The following LRGUK variants were observed in gnomAD, a reference collection of about 807,000 sequenced individuals.
The protein encoded by LRGUK is leucine rich repeats and guanylate kinase domain containing, also known as leucine-rich repeat and guanylate kinase domain-containing protein.
LRGUK carries 65 observed loss-of-function variants against 76.0 expected under a neutral mutation model. That is an observed-to-expected ratio of 0.85 (90% CI 0.70 to 1.05). The LOEUF (loss-of-function observed/expected upper bound fraction) is 1.05. Among genes scored for constraint, LRGUK ranks in the 50% least tolerant of loss-of-function variants. LRGUK has a pLI of 0.00. For synonymous variants in LRGUK, 268 were observed against 265.6 expected (o/e 1.01, Z -0.09); for missense variants, 758 against 732.8 (o/e 1.03, Z -0.40).
chr7:134,271,364 T>A, the LRGUK span, among the ~76,000 whole-genome samples: 1 of 151,912 alleles, frequency 6.6e-6, no homozygotes, highest in African/African-American at 2.4e-5. Context: ...ATCTTATGAG[T>A]TTCTTTTTTA....
intron 11 of LRGUK, among the ~76,000 whole-genome samples, chr7:134,184,276 T>C (rs937251689): frequency 1.4e-5 from 2 of 144,450 alleles, no homozygotes; most frequent in Non-Finnish European, 3.1e-5. Flanking sequence ...CTTTTTTTTC[T>C]TTTTTTTTTT....
At chr7:134,207,882 A>G (rs1401719089) in intron 15 of LRGUK, among the ~76,000 whole-genome samples, 4 of 152,170 alleles carry the variant, frequency 2.6e-5, no homozygotes, top group Non-Finnish European at 5.9e-5. Context: ...CGTCTAGTGA[A>G]CAAGCGCTCA....
downstream of LRGUK, among the ~76,000 whole-genome samples, chr7:134,268,248 T>G (rs918173334): frequency 6.6e-6 from 1 of 152,152 alleles, no homozygotes; most frequent in African/African-American, 2.4e-5. Context: ...AGATGATATA[T>G]TTTAATACAA....
chr7:134,251,513 A>G (rs1181526408), intron 18 of LRGUK, among the ~76,000 whole-genome samples: 2 of 152,196 alleles, frequency 1.3e-5, no homozygotes, highest in South Asian at 2.1e-4. Context: ...AGTTCATGGT[A>G]TCTTGTTATG....
chr7:134,174,107 C>CAAAA (rs112357506), intron 7 of LRGUK, among the ~76,000 whole-genome samples: 6 of 80,668 alleles, frequency 7.4e-5, no homozygotes, highest in African/African-American at 1.3e-4. Flanking sequence ...GACTCCATCG[C>CAAAA]AAAAAAAAAA....
intron 15 of LRGUK, among the ~76,000 whole-genome samples, chr7:134,217,625 A>G (rs1028421122): frequency 6.6e-6 from 1 of 152,130 alleles, no homozygotes; most frequent in African/African-American, 2.4e-5. Flanking sequence ...GATAGACAAG[A>G]CTTTTAAGAT....
At chr7:134,135,889 C>T (rs541462548) in intron 1 of LRGUK, among the ~76,000 whole-genome samples, 1 of 152,302 alleles carries the variant, frequency 6.6e-6, no homozygotes, top group African/African-American at 2.4e-5. Flanking sequence ...ATCTCCTGAC[C>T]TTGCGAACCG....
chr7:134,211,153 G>T (rs970568634), downstream of LRGUK, among the ~76,000 whole-genome samples: 3 of 152,226 alleles, frequency 2.0e-5, no homozygotes, highest in African/African-American at 7.2e-5. Flanking sequence ...CAGCCAATCT[G>T]CACTCCTGTG....
Position 134,178,611 on chromosome 7 carries a change from T to A in LRGUK, c.1214+2T>A. 6.2e-7 allele frequency: 1 copy of A among 1,609,324 alleles called. No individual in the cohort carries two copies. Among genetic ancestry groups the A allele is most frequent in the South Asian group, 1.1e-5 (1 of 90,530 alleles). On this transcript the variant is annotated splice_donor_variant, in intron 10 of 15. Coordinates refer to ENST00000645682, the Ensembl canonical transcript of LRGUK. LOFTEE classifies it high-confidence loss of function. Reference sequence around the variant, plus strand: ...GCAGCCGCAGAGGATCTTTGACAGGTACTTATTAGAAATCCAAAGGCCGGA... The same window carrying A: ...GCAGCCGCAGAGGATCTTTGACAGGAACTTATTAGAAATCCAAAGGCCGGA...
chr7:134,229,698 G>A (rs1801848407), intron 16 of LRGUK, among the ~76,000 whole-genome samples: 1 of 151,962 alleles, frequency 6.6e-6, no homozygotes, highest in African/African-American at 2.4e-5. Context: ...GAAAATGCTG[G>A]TATCACCACT....
At chr7:134,243,181 A>G (rs1018209692) in intron 16 of LRGUK, among the ~76,000 whole-genome samples, 2 of 152,176 alleles carry the variant, frequency 1.3e-5, no homozygotes, top group African/African-American at 4.8e-5. Flanking sequence ...CCTATTCAAC[A>G]TAGTGTTGGA....
chr7:134,200,575 G>C (rs984370680), intron 14 of LRGUK, among the ~76,000 whole-genome samples: 27 of 152,048 alleles, frequency 1.8e-4, no homozygotes, highest in Non-Finnish European at 3.7e-4. Context: ...TACCTCTTAG[G>C]GGGAAGGGAA....
chr7:134,200,011 T>C (rs1038435759), intron 14 of LRGUK, among the ~76,000 whole-genome samples: 1 of 131,756 alleles, frequency 7.6e-6, no homozygotes, highest in Non-Finnish European at 1.6e-5. Context: ...TATATATATA[T>C]ATATATATAT....
intron 1 of LRGUK, among the ~76,000 whole-genome samples, chr7:134,135,394 A>T (rs568274917): frequency 3.3e-5 from 5 of 152,316 alleles, no homozygotes; most frequent in Admixed American, 2.0e-4. Flanking sequence ...TTTCTTTTGG[A>T]GGATCTGCCT....
chr7:134,131,894 G>A (rs1797323136), intron 1 of LRGUK, among the ~76,000 whole-genome samples: 1 of 152,152 alleles, frequency 6.6e-6, no homozygotes, highest in Non-Finnish European at 1.5e-5. Flanking sequence ...CATCCAGGAA[G>A]GGATGGGAGG....
At chr7:134,223,503 T>G (rs1481159292) in intron 16 of LRGUK, among the ~76,000 whole-genome samples, 1 of 152,160 alleles carries the variant, frequency 6.6e-6, no homozygotes. Flanking sequence ...TGTAGGAAAG[T>G]CATATTTATC....
intron 12 of LRGUK, among the ~76,000 whole-genome samples, chr7:134,194,625 C>T (rs530586457): frequency 7.2e-5 from 11 of 152,172 alleles, no homozygotes; most frequent in African/African-American, 2.2e-4. Context: ...CCTGTAGTCC[C>T]AGCAACTCAG....
At chr7:134,260,102 C>T (rs1027869138) in intron 19 of LRGUK, among the ~76,000 whole-genome samples, 2 of 151,958 alleles carry the variant, frequency 1.3e-5, no homozygotes, top group Non-Finnish European at 2.9e-5. Context: ...GCTGGCTGCA[C>T]AATATTGGGC....
intron 16 of LRGUK, among the ~76,000 whole-genome samples, chr7:134,245,709 G>A (rs887747508): frequency 1.3e-5 from 2 of 151,894 alleles, no homozygotes; most frequent in Non-Finnish European, 2.9e-5. Flanking sequence ...AAGTAAGGGC[G>A]GTATACAATG....
Sources: allele counts gnomAD v4.1 joint callset (sites outside exome capture counted in the v4.1 genomes callset), GRCh38; gene constraint gnomAD v4.1.1; transcripts MANE v1.5; gene names NCBI Gene and HGNC (gene_info 2026-07-23, HGNC 2026-07-21).